The following SDK1 variants were observed in gnomAD, a reference collection of about 807,000 sequenced individuals.
SDK1 encodes the protein protein sidekick-1.
In SDK1, 157 loss-of-function variants were observed where a neutral mutation model predicts 245.5. The observed-to-expected ratio is 0.64, with a 90% CI of 0.56 to 0.73. The LOEUF is 0.73. SDK1 is among the 30% of genes least tolerant of loss of function. The probability of loss-of-function intolerance (pLI) is 0.00; values close to 1 mark genes in which losing one functional copy is unlikely to be tolerated. For synonymous variants in SDK1, 1,647 were observed against 1,278.5 expected (o/e 1.29, Z -6.15); for missense variants, 3,583 against 3,002.3 (o/e 1.19, Z -4.52).
intron 1 of SDK1, among the ~76,000 whole-genome samples, chr7:3,337,095 G>A (rs1021551719): frequency 2.0e-5 from 3 of 152,172 alleles, no homozygotes; most frequent in East Asian, 1.9e-4. Context: ...AGGACCATCA[G>A]CAGGTGCTAA....
chr7:3,597,557 C>A (rs1249337503), intron 1 of SDK1, among the ~76,000 whole-genome samples: 1 of 152,134 alleles, frequency 6.6e-6, no homozygotes, highest in African/African-American at 2.4e-5. Flanking sequence ...CCTTATTATG[C>A]TGGAGTGTCC....
At chr7:4,036,059 C>T (rs191253146) in intron 17 of SDK1, among the ~76,000 whole-genome samples, 5 of 152,098 alleles carry the variant, frequency 3.3e-5, no homozygotes, top group Non-Finnish European at 7.4e-5. Context: ...TTTTCTACAC[C>T]GGATTTTATT....
chr7:3,587,888 C>G (rs1362080318), intron 1 of SDK1, among the ~76,000 whole-genome samples: 1 of 152,210 alleles, frequency 6.6e-6, no homozygotes, highest in Non-Finnish European at 1.5e-5. Flanking sequence ...TTCTCAGTAG[C>G]TGACACAATT....
chr7:3,462,957 G>A (rs866775467), intron 1 of SDK1, among the ~76,000 whole-genome samples: 1 of 152,164 alleles, frequency 6.6e-6, no homozygotes, highest in Non-Finnish European at 1.5e-5. Flanking sequence ...CCCTCACATG[G>A]ATTTTACCTC....
intron 20 of SDK1, among the ~76,000 whole-genome samples, chr7:4,074,916 A>ATATATATATATATTTTTTTTT (rs1434239449): frequency 1.5e-5 from 1 of 64,602 alleles, no homozygotes; most frequent in African/African-American, 1.2e-4. Flanking sequence ...ATATATATAT[A>ATATATATATATATTTTTTTTT]TTTTTTTTTT....
chr7:4,217,503 C>T (rs112269732), intron 38 of SDK1, among the ~76,000 whole-genome samples: 5 of 113,616 alleles, frequency 4.4e-5, no homozygotes, highest in Admixed American at 1.7e-4. Context: ...CCACACCACC[C>T]GGAGCACCAC....
At chr7:3,958,502 A>G in intron 7 of SDK1, among the ~76,000 whole-genome samples, 1 of 152,206 alleles carries the variant, frequency 6.6e-6, no homozygotes, top group African/African-American at 2.4e-5. Flanking sequence ...AAGAATTTTA[A>G]AAATATGTTA....
intron 1 of SDK1, among the ~76,000 whole-genome samples, chr7:3,505,916 C>G (rs1047559806): frequency 6.6e-6 from 1 of 152,034 alleles, no homozygotes; most frequent in Non-Finnish European, 1.5e-5. Flanking sequence ...CTTCCTGCCC[C>G]TTGTGCAATT....
intron 19 of SDK1, among the ~76,000 whole-genome samples, chr7:4,055,397 C>G (rs955352043): frequency 6.6e-6 from 1 of 152,170 alleles, no homozygotes; most frequent in African/African-American, 2.4e-5. Flanking sequence ...GCACCACCTT[C>G]TTATTGGTTG....
intron 17 of SDK1, among the ~76,000 whole-genome samples, chr7:4,031,180 T>G (rs1010619379): frequency 6.6e-6 from 1 of 152,244 alleles, no homozygotes; most frequent in Non-Finnish European, 1.5e-5. Flanking sequence ...TTCTTGTACA[T>G]GTATATATAC....
intron 44 of SDK1, among the ~76,000 whole-genome samples, chr7:4,254,842 AG>A (rs1240900807): frequency 6.6e-6 from 1 of 152,136 alleles, no homozygotes; most frequent in Non-Finnish European, 1.5e-5. Context: ...GTTGCTCCTC[AG>A]TCTTGGGCAA....
intron 5 of SDK1, among the ~76,000 whole-genome samples, chr7:3,903,296 A>C (rs1781853776): frequency 3.3e-5 from 5 of 151,866 alleles, no homozygotes; most frequent in Admixed American, 3.3e-4. Flanking sequence ...GGTGCCCGCC[A>C]CCATGGCCGG....
intron 11 of SDK1, 24 bp from the exon 12 acceptor site, chr7:3,971,442 A>C: frequency 6.5e-7 from 1 of 1,538,904 alleles, no homozygotes; most frequent in African/African-American, 1.4e-5. Flanking sequence ...ATTTCGTCTG[A>C]CTCGTGACTT....
At chr7:3,472,789 G>C (rs370974849) in intron 1 of SDK1, among the ~76,000 whole-genome samples, 17 of 152,312 alleles carry the variant, frequency 1.1e-4, no homozygotes, top group Admixed American at 4.6e-4. Context: ...AACAGTACCA[G>C]CATGAGAACA....
chr7:4,018,767 G>T (rs1786625445), intron 17 of SDK1, among the ~76,000 whole-genome samples: 1 of 152,168 alleles, frequency 6.6e-6, no homozygotes, highest in East Asian at 1.9e-4. Flanking sequence ...TGGCAGTGGG[G>T]AACCATGAAA....
At chr7:3,798,839 A>G (rs1779033511) in intron 4 of SDK1, among the ~76,000 whole-genome samples, 1 of 152,182 alleles carries the variant, frequency 6.6e-6, no homozygotes, top group South Asian at 2.1e-4. Flanking sequence ...CAAAAAATTA[A>G]TTAAATTTTG....
intron 4 of SDK1, among the ~76,000 whole-genome samples, chr7:3,670,426 A>G (rs376368792): frequency 5.9e-5 from 9 of 152,194 alleles, no homozygotes; most frequent in African/African-American, 1.9e-4. Context: ...TTCACTTACT[A>G]GGTATGATCT....
At chr7:3,735,780 C>T (rs562862099) in intron 4 of SDK1, among the ~76,000 whole-genome samples, 58 of 152,278 alleles carry the variant, frequency 3.8e-4, no homozygotes, top group Admixed American at 1.3e-3. Flanking sequence ...ATTTTACTTT[C>T]CCACTGACAG....
intron 17 of SDK1, among the ~76,000 whole-genome samples, chr7:4,035,133 C>T (rs1401487248): frequency 6.6e-6 from 1 of 151,596 alleles, no homozygotes; most frequent in Non-Finnish European, 1.5e-5. Flanking sequence ...CACGTACCAC[C>T]ATGCCCAGCT....
Sources: allele counts gnomAD v4.1 joint callset (sites outside exome capture counted in the v4.1 genomes callset), GRCh38; gene constraint gnomAD v4.1.1; transcripts MANE v1.5; gene names NCBI Gene and HGNC (gene_info 2026-07-23, HGNC 2026-07-21).